CMSS1: variants seen among roughly 807,000 people sequenced by gnomAD.
CMSS1 encodes protein CMSS1.
CMSS1 carries 33 observed loss-of-function variants against 43.5 expected under a neutral mutation model. That is an observed-to-expected ratio of 0.76 (90% CI 0.57 to 1.01). The LOEUF is 1.01. Among genes scored for constraint, CMSS1 ranks in the 50% least tolerant of loss-of-function variants. The pLI, the probability that CMSS1 is intolerant of heterozygous loss-of-function variation, is 0.00. For synonymous variants in CMSS1, 115 were observed against 117.2 expected, an observed-to-expected ratio of 0.98 and a Z score of 0.12; for missense variants, 313 against 326.4, an observed-to-expected ratio of 0.96 and a Z score of 0.32.
intron 1 of CMSS1, among the ~76,000 whole-genome samples, chr3:99,832,873 T>TCTTGTATGAC (rs1942741091): frequency 1.3e-5 from 2 of 150,486 alleles, no homozygotes; most frequent in East Asian, 2.0e-4. Flanking sequence ...TTTTTTTTTT[T>TCTTGTATGAC]TTCTTGTATG....
chr3:99,958,074 TTTAAA>T (rs1159637991), intron 1 of CMSS1, among the ~76,000 whole-genome samples: 4 of 150,618 alleles, frequency 2.7e-5, no homozygotes, highest in African/African-American at 9.7e-5. Flanking sequence ...TTTTTTTCAA[TTTAAA>T]TTAATTTAAT....
At chr3:100,012,597 A>T (rs1440165112) in intron 1 of CMSS1, among the ~76,000 whole-genome samples, 4 of 152,024 alleles carry the variant, frequency 2.6e-5, no homozygotes, top group Non-Finnish European at 5.9e-5. Flanking sequence ...AGGATTTCAG[A>T]TTCCCCCACC....
intron 8 of CMSS1, chr3:100,176,090 A>G: frequency 8.0e-6 from 3 of 377,100 alleles, no homozygotes; most frequent in Non-Finnish European, 1.4e-5. Context: ...TGAGGAGCTT[A>G]GCAAGAGCAG....
chr3:100,156,732 C>T (rs922574617), intron 2 of CMSS1, among the ~76,000 whole-genome samples: 6 of 152,216 alleles, frequency 3.9e-5, no homozygotes, highest in African/African-American at 1.4e-4. Context: ...TCTCCTGCCT[C>T]AGCCTCCCAA....
chr3:99,925,650 A>G (rs1707269005), intron 1 of CMSS1, among the ~76,000 whole-genome samples: 1 of 152,214 alleles, frequency 6.6e-6, no homozygotes, highest in Admixed American at 6.5e-5. Context: ...AGGGGCTTAT[A>G]CGTGGATGCT....
At chr3:99,908,004 G>A (rs1576564430) in intron 1 of CMSS1, among the ~76,000 whole-genome samples, 1 of 152,226 alleles carries the variant, frequency 6.6e-6, no homozygotes. Context: ...CTGAAACTGT[G>A]TATTGAATAT....
At chr3:100,166,420 T>A (rs2067066362) in intron 5 of CMSS1, 26 bp downstream of exon 5, 1 of 1,408,776 alleles carries the variant, frequency 7.1e-7, no homozygotes, top group African/African-American at 1.4e-5. Flanking sequence ...TTTTAATCTA[T>A]TTAAACTCAT....
chr3:100,014,545 G>A (rs964540407), intron 1 of CMSS1, among the ~76,000 whole-genome samples: 20 of 152,082 alleles, frequency 1.3e-4, no homozygotes, highest in African/African-American at 4.3e-4. Context: ...ACAGATGTGA[G>A]GTGATATCTT....
chr3:100,059,437 T>C (rs1287019301), intron 1 of CMSS1, among the ~76,000 whole-genome samples: 1 of 152,202 alleles, frequency 6.6e-6, no homozygotes, highest in Non-Finnish European at 1.5e-5. Flanking sequence ...TTCTTCACTC[T>C]AGCCTTGCTT....
At chr3:100,007,893 C>A (rs926254384) in intron 1 of CMSS1, among the ~76,000 whole-genome samples, 3 of 152,088 alleles carry the variant, frequency 2.0e-5, no homozygotes. Context: ...AGTCTCTCAC[C>A]CACTGGGTAA....
chr3:99,927,918 T>C (rs1216749960), intron 1 of CMSS1, among the ~76,000 whole-genome samples: 2 of 152,182 alleles, frequency 1.3e-5, no homozygotes, highest in Admixed American at 1.3e-4. Context: ...TGTCGTGTCA[T>C]GTAACCGAGA....
At chr3:100,093,504 T>G (rs1435809290) in intron 1 of CMSS1, among the ~76,000 whole-genome samples, 1 of 152,220 alleles carries the variant, frequency 6.6e-6, no homozygotes, top group Non-Finnish European at 1.5e-5. Context: ...TTTGAGATAA[T>G]TGTGATTCAC....
intron 1 of CMSS1, among the ~76,000 whole-genome samples, chr3:100,037,278 G>C (rs1260419821): frequency 2.0e-5 from 3 of 152,048 alleles, no homozygotes; most frequent in Non-Finnish European, 4.4e-5. Flanking sequence ...TACTCAGATG[G>C]TTTAGAAAAA....
chr3:99,943,660 C>T (rs796716117), intron 1 of CMSS1, among the ~76,000 whole-genome samples: 46 of 151,942 alleles, frequency 3.0e-4, no homozygotes, highest in Admixed American at 1.4e-3. Context: ...TCCGAGATCA[C>T]GCCACTGCAC....
At chr3:100,117,337 G>C (rs1472837019) in intron 1 of CMSS1, among the ~76,000 whole-genome samples, 1 of 152,034 alleles carries the variant, frequency 6.6e-6, no homozygotes, top group Non-Finnish European at 1.5e-5. Context: ...CTGAGGTTTT[G>C]AAAGATTAAG....
chr3:99,839,670 G>A (rs146077229), intron 1 of CMSS1, among the ~76,000 whole-genome samples: 3 of 152,246 alleles, frequency 2.0e-5, no homozygotes, highest in African/African-American at 7.2e-5. Context: ...TAGAATTCAG[G>A]TATCTTTGAA....
At chr3:99,819,900 G>A (rs1265182287) in intron 1 of CMSS1, among the ~76,000 whole-genome samples, 7 of 151,664 alleles carry the variant, frequency 4.6e-5, no homozygotes, top group Non-Finnish European at 1.5e-5. Context: ...GATTACAGGT[G>A]CCCGCCACCA....
chr3:100,077,256 G>A (rs528072869), intron 1 of CMSS1, among the ~76,000 whole-genome samples: 8 of 152,310 alleles, frequency 5.3e-5, no homozygotes, highest in African/African-American at 1.2e-4. Flanking sequence ...TCTATCTGCC[G>A]TTATCCTGTG....
intron 1 of CMSS1, among the ~76,000 whole-genome samples, chr3:100,081,625 T>G (rs897000783): frequency 2.6e-5 from 4 of 152,240 alleles, no homozygotes. Context: ...TGCATGCCAG[T>G]ATAGTGTGAT....
Sources: gnomAD v4.1 joint callset for allele counts (sites outside exome capture counted in the v4.1 genomes callset) on GRCh38, gnomAD v4.1.1 for gene constraint, MANE v1.5 for transcripts, NCBI Gene and HGNC (gene_info 2026-07-23, HGNC 2026-07-21) for gene names.